The following NRG1 variants were observed in gnomAD, a reference collection of about 807,000 sequenced individuals.
NRG1 encodes the protein neuregulin 1.
NRG1 carries 18 observed loss-of-function variants against 63.8 expected under a neutral mutation model. That is an observed-to-expected ratio of 0.28 (90% confidence interval 0.19 to 0.42). NRG1 has a LOEUF of 0.42. Among genes scored for constraint, NRG1 ranks in the 10% least tolerant of loss-of-function variants. The pLI is 1.00. For missense variants in NRG1, 762 were observed against 814.7 expected (o/e 0.94, Z 0.79); for synonymous variants, 302 against 301.3 (o/e 1.00, Z -0.02).
intron 1 of NRG1, among the ~76,000 whole-genome samples, chr8:31,916,520 T>C (rs1833404077): frequency 6.6e-6 from 1 of 152,146 alleles, no homozygotes. Flanking sequence ...CACGTCCCTA[T>C]AAAGGACATG....
At chr8:31,907,569 C>A (rs1233695463) in intron 1 of NRG1, among the ~76,000 whole-genome samples, 2 of 152,056 alleles carry the variant, frequency 1.3e-5, no homozygotes, top group Non-Finnish European at 2.9e-5. Context: ...ACACAAAAAA[C>A]CCTGACACAT....
At chr8:31,807,251 A>G (rs1383586553) in intron 1 of NRG1, among the ~76,000 whole-genome samples, 2 of 152,188 alleles carry the variant, frequency 1.3e-5, no homozygotes, top group East Asian at 3.9e-4. Flanking sequence ...TTGATACACT[A>G]CTTGAGCATG....
At position 31,892,172 on chromosome 8, in the gene NRG1, A is replaced by G. The variant is rs575033431; in HGVS notation, c.37+252741A>G. On this transcript the variant is annotated intron_variant, in intron 1 of 10. Coordinates refer to the NRG1 transcript ENST00000519301. Reference sequence around the variant, plus strand: ...TTTGTCTTATTTCTTACAACTGCCTATGAATTTACACTGATCTCTAATGAA... The same window carrying G: ...TTTGTCTTATTTCTTACAACTGCCTGTGAATTTACACTGATCTCTAATGAA... Among the ~76,000 whole-genome samples, 32 of 152,254 alleles carry G rather than the reference A, an allele frequency of 2.1e-4. No individual in the cohort carries two copies. In the South Asian group the frequency reaches 3.3e-3, roughly 16 times the overall value.
At chr8:31,824,423 T>C (rs1030872655) in intron 1 of NRG1, among the ~76,000 whole-genome samples, 1 of 152,126 alleles carries the variant, frequency 6.6e-6, no homozygotes, top group Non-Finnish European at 1.5e-5. Context: ...AAGGGACTTG[T>C]CAGGCAAAAT....
chr8:32,718,932 C>T (rs1048228312), intron 5 of NRG1, among the ~76,000 whole-genome samples: 3 of 152,116 alleles, frequency 2.0e-5, no homozygotes, highest in Non-Finnish European at 2.9e-5. Context: ...TGGTATCCAA[C>T]CATATCATCT....
intron 1 of NRG1, among the ~76,000 whole-genome samples, chr8:31,755,767 G>A (rs1358354360): frequency 6.6e-6 from 1 of 152,012 alleles, no homozygotes; most frequent in Non-Finnish European, 1.5e-5. Context: ...ACTGTTATGA[G>A]AGAGAGAGAA....
At chr8:32,614,950 A>T (rs1005557223) in intron 4 of NRG1, among the ~76,000 whole-genome samples, 1 of 152,170 alleles carries the variant, frequency 6.6e-6, no homozygotes, top group South Asian at 2.1e-4. Flanking sequence ...TCAACATCTG[A>T]TCCGTGACCT....
At chr8:31,676,335 C>T (rs566560924) in intron 1 of NRG1, among the ~76,000 whole-genome samples, 2 of 152,154 alleles carry the variant, frequency 1.3e-5, no homozygotes, top group East Asian at 1.9e-4. Context: ...TATTTCCATG[C>T]GATCATAGCT....
intron 1 of NRG1, among the ~76,000 whole-genome samples, chr8:32,559,256 A>AAAAAAAAAAAAAAAAAAAAAAAAAAAT (rs1393676483): frequency 2.7e-5 from 4 of 150,448 alleles, no homozygotes; most frequent in Non-Finnish European, 5.9e-5. Context: ...AAAAAAAAAA[A>AAAAAAAAAAAAAAAAAAAAAAAAAAAT]AAAAAAATCA....
At chr8:31,914,757 A>G (rs955842782) in intron 1 of NRG1, among the ~76,000 whole-genome samples, 2 of 151,166 alleles carry the variant, frequency 1.3e-5, no homozygotes, top group African/African-American at 4.9e-5. Flanking sequence ...TTTTTTCAGG[A>G]TTTTCTTGGT....
chr8:32,145,709 G>T (rs1836797742), intron 1 of NRG1, among the ~76,000 whole-genome samples: 1 of 152,208 alleles, frequency 6.6e-6, no homozygotes, highest in Non-Finnish European at 1.5e-5. Flanking sequence ...ATGACTTTTA[G>T]ATGACATTAG....
intron 1 of NRG1, among the ~76,000 whole-genome samples, chr8:32,303,310 T>C (rs1288050518): frequency 6.6e-6 from 1 of 151,716 alleles, no homozygotes; most frequent in Non-Finnish European, 1.5e-5. Context: ...GTCACACATA[T>C]GCTGAAGAAG....
At chr8:32,564,577 G>T (rs1166263477) in intron 1 of NRG1, among the ~76,000 whole-genome samples, 1 of 152,216 alleles carries the variant, frequency 6.6e-6, no homozygotes, top group Non-Finnish European at 1.5e-5. Context: ...TTGAGAAAGA[G>T]TTCAGAGAAT....
chr8:31,688,276 T>A lies in NRG1; in HGVS notation c.37+48845T>A, dbSNP rs553792326. Among the ~76,000 whole-genome samples the A allele has an allele frequency of 2.0e-4, 31 of 152,212 alleles. No individual in the cohort carries two copies. The South Asian group carries it at 6.2e-3, about 31-fold the overall frequency. ...GGACCTTTGGAAGATGATTATTAGA[T>A]CATGAGGGTAAGGCTCTCATGATTG... On this transcript the variant is annotated intron_variant, in intron 1 of 10. Transcript: ENST00000519301.
intron 5 of NRG1, among the ~76,000 whole-genome samples, chr8:32,664,622 G>T (rs553611866): frequency 1.1e-4 from 17 of 151,540 alleles, no homozygotes; most frequent in African/African-American, 4.1e-4. Context: ...TGATGGTGTA[G>T]AAATGATGAT....
At chr8:31,698,791 TAATGTTAA>T (rs1810340985) in intron 1 of NRG1, among the ~76,000 whole-genome samples, 1 of 152,248 alleles carries the variant, frequency 6.6e-6, no homozygotes. Context: ...TATTCACTTG[TAATGTTAA>T]TATAAATCTT....
intron 5 of NRG1, among the ~76,000 whole-genome samples, chr8:32,653,972 G>C (rs1329108194): frequency 6.6e-6 from 1 of 152,116 alleles, no homozygotes; most frequent in Non-Finnish European, 1.5e-5. Context: ...GTGTGTGTGT[G>C]TGTGTGTAGA....
intron 1 of NRG1, among the ~76,000 whole-genome samples, chr8:32,420,257 C>G (rs998185002): frequency 1.3e-5 from 2 of 152,084 alleles, no homozygotes; most frequent in African/African-American, 4.8e-5. Context: ...GCTCCACTTC[C>G]CTTGGGGGTT....
intron 1 of NRG1, among the ~76,000 whole-genome samples, chr8:31,825,174 G>A (rs1184761908): frequency 6.6e-6 from 1 of 152,096 alleles, no homozygotes; most frequent in African/African-American, 2.4e-5. Context: ...GCAATCATGA[G>A]GTCAAGAGAT....
Sources: gnomAD v4.1 joint callset for allele counts (sites outside exome capture counted in the v4.1 genomes callset) on GRCh38, gnomAD v4.1.1 for gene constraint, MANE v1.5 for transcripts, NCBI Gene and HGNC (gene_info 2026-07-23, HGNC 2026-07-21) for gene names.